The following FGF14 variants were observed in gnomAD, a reference collection of about 807,000 sequenced individuals.
FGF14 encodes the protein fibroblast growth factor 14, also known as fibroblast growth factor homologous factor 4.
FGF14 carries 5 observed loss-of-function variants against 25.5 expected under a neutral mutation model. That is an observed-to-expected ratio of 0.20 (90% CI 0.10 to 0.41). The LOEUF is 0.41. Ranked by LOEUF, FGF14 falls within the 10% of genes least tolerant of loss-of-function variation. FGF14 has a pLI of 1.00. For synonymous variants in FGF14, 138 were observed against 118.3 expected, an observed-to-expected ratio of 1.17 and a Z score of -1.08; for missense variants, 222 against 320.1, an observed-to-expected ratio of 0.69 and a Z score of 2.34.
chr13:101,960,575 C>T (rs1168645218), intron 1 of FGF14, among the ~76,000 whole-genome samples: 1 of 152,162 alleles, frequency 6.6e-6, no homozygotes, highest in Non-Finnish European at 1.5e-5. Flanking sequence ...ACCACATTTT[C>T]TTTATCTAGT....
At chr13:102,110,857 C>A (rs1384134697) in intron 1 of FGF14, among the ~76,000 whole-genome samples, 1 of 152,140 alleles carries the variant, frequency 6.6e-6, no homozygotes, top group African/African-American at 2.4e-5. Context: ...CTCATTTCTT[C>A]CCACTTGAAA....
At chr13:102,061,971 G>A (rs1012049591) in intron 1 of FGF14, among the ~76,000 whole-genome samples, 8 of 152,056 alleles carry the variant, frequency 5.3e-5, no homozygotes, top group African/African-American at 1.7e-4. Flanking sequence ...CCCAAAGCAA[G>A]AAAGGCCTAG....
intron 1 of FGF14, among the ~76,000 whole-genome samples, chr13:101,913,719 C>T (rs2033186537): frequency 6.6e-6 from 1 of 152,090 alleles, no homozygotes; most frequent in African/African-American, 2.4e-5. Flanking sequence ...CTTAAAATCT[C>T]TGCATCCTTC....
rs2047711766 is a variant in FGF14, at chr13:102,161,632, A to AAGAAGG, written c.208+239838_208+239839insCCTTCT. ...GAAGAAGAAGAAGAAGAAGAAGAAG[A>AAGAAGG]AGAAGAAGAAGAAGAAGAAGAAGAA... On this transcript the variant is annotated intron_variant, in intron 1 of 4. Transcript: ENST00000376131. 5.0e-4 allele frequency among the ~76,000 whole-genome samples: 6 copies of AAGAAGG among 12,098 alleles called. 1 individual carries two copies. Among genetic ancestry groups the AAGAAGG allele is most frequent in the Non-Finnish European group, 6.6e-4 (4 of 6,022 alleles). 7.9% of individuals were successfully genotyped at this position (12,098 alleles called of 152,430 possible).
At chr13:102,175,990 C>A (rs1210867106) in intron 1 of FGF14, among the ~76,000 whole-genome samples, 1 of 151,742 alleles carries the variant, frequency 6.6e-6, no homozygotes, top group Non-Finnish European at 1.5e-5. Context: ...TAGTACAACC[C>A]CCACGGAAAA....
intron 3 of FGF14, among the ~76,000 whole-genome samples, chr13:101,827,749 T>C (rs577964642): frequency 6.6e-6 from 1 of 152,010 alleles, no homozygotes; most frequent in Admixed American, 6.6e-5. Flanking sequence ...CATTAATAAT[T>C]ACTGCTAACT....
chr13:102,354,210 C>T (rs1341633159), intron 1 of FGF14: 1 of 152,246 alleles, frequency 6.6e-6, no homozygotes, highest in Non-Finnish European at 1.5e-5. Flanking sequence ...AAATTGATAG[C>T]TTATCTTCAC....
At chr13:102,162,627 C>T (rs767055941) in intron 1 of FGF14, among the ~76,000 whole-genome samples, 1 of 152,044 alleles carries the variant, frequency 6.6e-6, no homozygotes, top group East Asian at 2.0e-4. Flanking sequence ...AAAAATATAA[C>T]ACAGTTTATG....
At chr13:101,794,453 T>G (rs544187545) in intron 3 of FGF14, among the ~76,000 whole-genome samples, 3 of 152,116 alleles carry the variant, frequency 2.0e-5, no homozygotes, top group Non-Finnish European at 4.4e-5. Context: ...GGACCACTTA[T>G]GTACAACACT....
intron 3 of FGF14, among the ~76,000 whole-genome samples, chr13:101,861,185 A>G (rs1481737958): frequency 6.6e-6 from 1 of 152,140 alleles, no homozygotes; most frequent in African/African-American, 2.4e-5. Flanking sequence ...AATTGATTCT[A>G]TCTGCACAGC....
At chr13:102,113,639 C>A (rs1021661597) in intron 1 of FGF14, among the ~76,000 whole-genome samples, 1 of 152,188 alleles carries the variant, frequency 6.6e-6, no homozygotes, top group South Asian at 2.1e-4. Flanking sequence ...AGTTCCAAAT[C>A]TCTTTACAGT....
In FGF14 at chr13:101,711,741, G is replaced by A. The variant is rs2034476237; in HGVS notation, c.*11090C>T. The A allele has an allele frequency of 6.6e-6, 1 of 152,164 alleles. No homozygotes were observed. The highest frequency in any genetic ancestry group is 1.9e-4 in the East Asian group (1 of 5,194). The allele number at this position is 152,164 out of a possible 1,614,324, so 9.4% of individuals were successfully genotyped here. On this transcript the variant is annotated 3_prime_UTR_variant, in exon 5 of 5. Coordinates refer to ENST00000376143, the MANE Select transcript of FGF14 (RefSeq NM_004115.4). ...CCTAAGATGCCCTGAAGACACATGA[G>A]AAAATGTGGCTGATTCCCCAGGGAT...
At chr13:102,128,440 T>C (rs1396919021) in intron 1 of FGF14, among the ~76,000 whole-genome samples, 2 of 152,228 alleles carry the variant, frequency 1.3e-5, no homozygotes, top group African/African-American at 4.8e-5. Flanking sequence ...AACAGAAAGC[T>C]GAAGTTGATT....
intron 1 of FGF14, among the ~76,000 whole-genome samples, chr13:101,980,163 A>C (rs1003937080): frequency 6.6e-6 from 1 of 152,234 alleles, no homozygotes; most frequent in Non-Finnish European, 1.5e-5. Flanking sequence ...GTTATTTCAT[A>C]AACAGATAAA....
intron 1 of FGF14, among the ~76,000 whole-genome samples, chr13:102,198,217 C>G (rs2049454536): frequency 6.6e-6 from 1 of 152,174 alleles, no homozygotes; most frequent in South Asian, 2.1e-4. Flanking sequence ...GAAGCCACAG[C>G]ACAGTGCTAG....
chr13:102,036,077 G>A (rs979596079), intron 1 of FGF14, among the ~76,000 whole-genome samples: 1 of 152,060 alleles, frequency 6.6e-6, no homozygotes, highest in Non-Finnish European at 1.5e-5. Flanking sequence ...GGGAAATAGA[G>A]AGAGAAAAAC....
At chr13:101,812,644 TATATA>T (rs1366425753) in intron 3 of FGF14, among the ~76,000 whole-genome samples, 89 of 12,806 alleles carry the variant, frequency 6.9e-3, no homozygotes, top group Non-Finnish European at 0.011. Context: ...TATATATATA[TATATA>T]TATATTTTTT....
chr13:102,176,118 A>G lies in FGF14; in HGVS notation c.208+225353T>C, dbSNP rs541661720. Among the ~76,000 whole-genome samples the G allele has an allele frequency of 9.9e-5, 15 of 152,266 alleles. No homozygotes were observed. In the East Asian group the frequency reaches 2.9e-3, roughly 29 times the overall value. ...TTATATCAAAAAGACATGTGCACTC[A>G]TATGTTTATCGCTGCACTGTTCACA... is the stretch of plus-strand genomic sequence containing the variant. On this transcript the variant is annotated intron_variant, in intron 1 of 4. Coordinates refer to the FGF14 transcript ENST00000376131.
At chr13:101,929,359 A>G (rs999231393) in intron 1 of FGF14, among the ~76,000 whole-genome samples, 2 of 152,204 alleles carry the variant, frequency 1.3e-5, no homozygotes, top group African/African-American at 4.8e-5. Flanking sequence ...AAATGTCAAA[A>G]TAGAGGAACC....
Sources: gnomAD v4.1 joint callset for allele counts (sites outside exome capture counted in the v4.1 genomes callset) on GRCh38, gnomAD v4.1.1 for gene constraint, MANE v1.5 for transcripts, NCBI Gene and HGNC (gene_info 2026-07-23, HGNC 2026-07-21) for gene names.